Variants in ABCD3 observed in about 807,000 individuals in gnomAD.
The protein encoded by ABCD3 is ATP-binding cassette sub-family D member 3.
In ABCD3, 41 loss-of-function variants were observed where a neutral mutation model predicts 105.5. That is an observed-to-expected ratio of 0.39 (90% CI 0.30 to 0.50). The LOEUF is 0.50. ABCD3 is among the 20% of genes least tolerant of loss of function. The pLI is 0.84. For synonymous variants in ABCD3, 258 were observed against 269.0 expected (o/e 0.96, Z 0.40); for missense variants, 622 against 806.3 (o/e 0.77, Z 2.77).
rs544782774 is a variant in ABCD3, at chr1:94,474,437, G to A, written c.405+602G>A. ...TTCTCATTTTAATTTTCTTGGCGCTGTAAGAATGTAATATTCTGAATTTGT... is the reference window on the plus strand; with the variant it reads ...TTCTCATTTTAATTTTCTTGGCGCTATAAGAATGTAATATTCTGAATTTGT... On this transcript the variant is annotated intron_variant, in intron 5 of 22. Transcript: ENST00000370214. 9.9e-5 allele frequency among the ~76,000 whole-genome samples: 15 copies of A among 152,184 alleles called. No individual in the cohort carries two copies. In the East Asian group the frequency reaches 2.1e-3, roughly 22 times the overall value.
At chr1:94,419,377 T>C in intron 1 of ABCD3, 1 of 983,672 alleles carries the variant, frequency 1.0e-6, no homozygotes, top group Non-Finnish European at 1.2e-6. Context: ...CGCGGGAGAA[T>C]TTCAGTGCTT....
chr1:94,419,474 C>T (rs1161576572), intron 1 of ABCD3, among the ~76,000 whole-genome samples: 2 of 152,116 alleles, frequency 1.3e-5, no homozygotes, highest in East Asian at 3.9e-4. Flanking sequence ...ATGTATGTCA[C>T]ATACATGCAA....
chr1:94,501,507 C>G (rs1650099987), intron 20 of ABCD3, among the ~76,000 whole-genome samples: 1 of 152,134 alleles, frequency 6.6e-6, no homozygotes, highest in Non-Finnish European at 1.5e-5. Context: ...ATTCATTTTA[C>G]TGTCCTTTCA....
At chr1:94,410,618 T>G in the ABCD3 span, among the ~76,000 whole-genome samples, 1 of 152,124 alleles carries the variant, frequency 6.6e-6, no homozygotes, top group Non-Finnish European at 1.5e-5. Context: ...TTTAGCTGAA[T>G]AGTGCACAGG....
intron 8 of ABCD3, among the ~76,000 whole-genome samples, chr1:94,479,974 C>T (rs369841122): frequency 6.6e-5 from 10 of 151,808 alleles, no homozygotes; most frequent in Admixed American, 3.3e-4. Flanking sequence ...GGCATCTGCA[C>T]AGTATTAAGG....
intron 1 of ABCD3, among the ~76,000 whole-genome samples, chr1:94,435,981 A>G (rs959882771): frequency 9.9e-5 from 15 of 152,214 alleles, no homozygotes; most frequent in African/African-American, 1.2e-4. Context: ...ACATGGCTTT[A>G]GTGATCTTTG....
chr1:94,427,205 G>T (rs941584845), intron 1 of ABCD3, among the ~76,000 whole-genome samples: 1 of 152,090 alleles, frequency 6.6e-6, no homozygotes, highest in Non-Finnish European at 1.5e-5. Context: ...TGTTTCTGCT[G>T]GAGCTGGTGT....
chr1:94,500,443 A>AAAAT (rs1235108745), intron 20 of ABCD3, among the ~76,000 whole-genome samples: 1 of 152,214 alleles, frequency 6.6e-6, no homozygotes, highest in East Asian at 1.9e-4. Context: ...CGTCTCTCTA[A>AAAAT]AAATAAATAA....
chr1:94,387,331 C>G, the ABCD3 span, among the ~76,000 whole-genome samples: 5 of 152,120 alleles, frequency 3.3e-5, no homozygotes, highest in Admixed American at 6.6e-5. Flanking sequence ...AGTGATGGTG[C>G]CTTAACTGGG....
intron 1 of ABCD3, among the ~76,000 whole-genome samples, chr1:94,424,444 A>T (rs113054350): frequency 4.6e-5 from 7 of 151,692 alleles, no homozygotes; most frequent in African/African-American, 1.7e-4. Flanking sequence ...TTATTTTGAG[A>T]CGGGGTCTCA....
chr1:94,408,510 C>T, the ABCD3 span, among the ~76,000 whole-genome samples: 11 of 151,542 alleles, frequency 7.3e-5, no homozygotes, highest in African/African-American at 2.7e-4. Context: ...AGGAGAATTG[C>T]TTCAACTCAG....
Position 94,430,458 on chromosome 1 carries a change from G to A in ABCD3, c.110+11870G>A, listed in dbSNP as rs1362915897. 2.6e-5 allele frequency among the ~76,000 whole-genome samples: 4 copies of A among 152,124 alleles called. No homozygotes were observed. The East Asian group carries it at 7.7e-4, about 29-fold the overall frequency. On this transcript the variant is annotated intron_variant, in intron 1 of 22. Coordinates refer to ENST00000370214, the MANE Select transcript of ABCD3 (RefSeq NM_002858.4). ...CCCAGTGTTGTAGGAGGGACAGGTG[G>A]GAGGTAATTGAATCATGGGGGCAGG...
the ABCD3 span, among the ~76,000 whole-genome samples, chr1:94,409,072 T>TG: frequency 6.6e-6 from 1 of 151,940 alleles, no homozygotes; most frequent in Non-Finnish European, 1.5e-5. Context: ...ATATATCATC[T>TG]GGGGGGTGGC....
At chr1:94,430,410 C>T (rs913657907) in intron 1 of ABCD3, among the ~76,000 whole-genome samples, 2 of 152,026 alleles carry the variant, frequency 1.3e-5, no homozygotes, top group African/African-American at 2.4e-5. Context: ...TTGGCTGTGT[C>T]CCCCTAAATC....
chr1:94,409,320 T>G, the ABCD3 span, among the ~76,000 whole-genome samples: 1 of 152,220 alleles, frequency 6.6e-6, no homozygotes, highest in Non-Finnish European at 1.5e-5. Flanking sequence ...TATCAAAATA[T>G]CTCATGTAAC....
the ABCD3 span, among the ~76,000 whole-genome samples, chr1:94,401,357 C>A: frequency 6.6e-6 from 1 of 152,232 alleles, no homozygotes; most frequent in Non-Finnish European, 1.5e-5. Context: ...CCCAAACATG[C>A]CCCAATTCTA....
In ABCD3 at chr1:94,489,734, T is replaced by C. The variant is rs1250821906; in HGVS notation, c.1167T>C (p.Ala389=). Reference sequence around the variant, plus strand: ...TTTTCTAAAATTTTAGTTTTACTGCTCGGATTACAGAATTAATGCAAGTAC... The same window carrying C: ...TTTTCTAAAATTTTAGTTTTACTGCCCGGATTACAGAATTAATGCAAGTAC... ...REMTRLAGFT[A]RITELMQVLK... Residue 389 remains alanine (A), a synonymous_variant, in exon 14 of 23, where the codon GCT becomes GCC. Transcript: ENST00000370214. 6.2e-7 allele frequency: 1 copy of C among 1,612,754 alleles called. No homozygotes were observed. The highest frequency in any genetic ancestry group is 1.7e-5 in the Admixed American group (1 of 59,896).
Position 94,517,905 on chromosome 1 carries a change from G to A in ABCD3, c.*776G>A, listed in dbSNP as rs377601604. The A allele has an allele frequency of 2.4e-4, 37 of 152,068 alleles. No individual in the cohort carries two copies. The highest frequency in any genetic ancestry group is 8.9e-4 in the African/African-American group (37 of 41,480). The allele number at this position is 152,068 out of a possible 1,614,324, so 9.4% of individuals were successfully genotyped here. On this transcript the variant is annotated 3_prime_UTR_variant, in exon 23 of 23. Coordinates refer to ENST00000370214, the MANE Select transcript of ABCD3 (RefSeq NM_002858.4). ...ATGCCAGGCTCAAGGTCTTATAAGAGTTCTAGATTTTTAAGAGAATTAGAC... is the reference window on the plus strand; with the variant it reads ...ATGCCAGGCTCAAGGTCTTATAAGAATTCTAGATTTTTAAGAGAATTAGAC...
At chr1:94,495,035 C>G (rs541555681) in intron 16 of ABCD3, among the ~76,000 whole-genome samples, 1 of 152,028 alleles carries the variant, frequency 6.6e-6, no homozygotes, top group Admixed American at 6.6e-5. Flanking sequence ...GAGCGGAGAT[C>G]GCACCACTAT....
Sources: gnomAD v4.1 joint callset for allele counts (sites outside exome capture counted in the v4.1 genomes callset) on GRCh38, gnomAD v4.1.1 for gene constraint, MANE v1.5 for transcripts, NCBI Gene and HGNC (gene_info 2026-07-23, HGNC 2026-07-21) for gene names.